The following MAEA variants were observed in gnomAD, a reference collection of about 807,000 sequenced individuals.
MAEA encodes E3 ubiquitin-protein transferase MAEA.
MAEA carries 22 observed loss-of-function variants against 46.2 expected under a neutral mutation model. That is an observed-to-expected ratio of 0.48 (90% CI 0.34 to 0.68). The LOEUF (loss-of-function observed/expected upper bound fraction) is 0.68, where lower values mean the gene tolerates loss of function less well. Among genes scored for constraint, MAEA ranks in the 30% least tolerant of loss-of-function variants. MAEA has a pLI of 0.01. For missense variants in MAEA, 393 were observed against 558.1 expected (o/e 0.70, Z 2.98); for synonymous variants, 246 against 222.6 (o/e 1.11, Z -0.94).
chr4:1,324,887 G>GA (rs1437825168), intron 4 of MAEA, among the ~76,000 whole-genome samples: 1 of 150,660 alleles, frequency 6.6e-6, no homozygotes, highest in African/African-American at 2.4e-5. Flanking sequence ...GGTGTTGGAT[G>GA]AGTTGAGATT....
chr4:1,328,224 C>T (rs553142171), intron 5 of MAEA, among the ~76,000 whole-genome samples: 76 of 152,338 alleles, frequency 5.0e-4, no homozygotes, highest in Middle Eastern at 3.4e-3. Flanking sequence ...CTGAGGCCAG[C>T]GGCGCCCTGG....
At chr4:1,316,025 G>A (rs529316749) in intron 3 of MAEA, among the ~76,000 whole-genome samples, 4 of 151,900 alleles carry the variant, frequency 2.6e-5, no homozygotes, top group African/African-American at 4.8e-5. Flanking sequence ...GTGTCTAAGC[G>A]GCTCTCCAGG....
At chr4:1,335,016 T>C in intron 6 of MAEA, 1 of 985,332 alleles carries the variant, frequency 1.0e-6, no homozygotes, top group Non-Finnish European at 1.2e-6. Flanking sequence ...CCACCTCCCC[T>C]CCCTCCAGGT....
intron 1 of MAEA, among the ~76,000 whole-genome samples, chr4:1,305,940 A>G (rs569054534): frequency 7.2e-5 from 11 of 152,168 alleles, no homozygotes; most frequent in Non-Finnish European, 1.5e-4. Flanking sequence ...GGCGGGCGGG[A>G]GATCCAAGAA....
At chr4:1,325,659 C>A (rs1029255088) in intron 4 of MAEA, among the ~76,000 whole-genome samples, 3 of 152,208 alleles carry the variant, frequency 2.0e-5, no homozygotes, top group African/African-American at 7.2e-5. Context: ...CATCAGGCAG[C>A]CCCTGGGAGG....
At chr4:1,324,237 T>G (rs1270320609) in intron 4 of MAEA, among the ~76,000 whole-genome samples, 1 of 146,872 alleles carries the variant, frequency 6.8e-6, no homozygotes, top group African/African-American at 2.6e-5. Context: ...GGATGCCTGG[T>G]GGATGAGCGT....
chr4:1,337,700 T>TCCTCGCCTGTGACTGACTCTGC (rs1334715718), intron 7 of MAEA: 2 of 173,670 alleles, frequency 1.2e-5, no homozygotes, highest in Non-Finnish European at 2.5e-5. Flanking sequence ...TGTGACTCTG[T>TCCTCGCCTGTGACTGACTCTGC]CCTCGCCTGT....
chr4:1,295,582 G>C (rs907080912), intron 1 of MAEA, among the ~76,000 whole-genome samples: 2 of 151,002 alleles, frequency 1.3e-5, no homozygotes, highest in African/African-American at 4.9e-5. Flanking sequence ...CTGTCACGCA[G>C]ACCCTGCCTG....
intron 2 of MAEA, among the ~76,000 whole-genome samples, chr4:1,314,790 C>T (rs962238911): frequency 2.0e-5 from 3 of 152,214 alleles, no homozygotes; most frequent in African/African-American, 7.2e-5. Context: ...CTGATTTCTG[C>T]ACAGCAGTTG....
intron 8 of MAEA, 177 bp from the exon 9 acceptor site, chr4:1,338,897 G>C (rs1577252985): frequency 9.0e-6 from 6 of 669,444 alleles, no homozygotes; most frequent in South Asian, 3.6e-5. Flanking sequence ...ATGGATGAAG[G>C]GGTGGGAAGG....
In MAEA at chr4:1,329,606, G is replaced by T. The variant is rs1207472318; in HGVS notation, c.656+1903G>T. 4 of 985,412 alleles carry T rather than the reference G, an allele frequency of 4.1e-6. No homozygotes were observed. The African/African-American group carries it at 7.0e-5, about 17-fold the overall frequency. 61.0% of individuals were successfully genotyped at this position (985,412 alleles called of 1,614,324 possible). The stretch of plus-strand genomic sequence containing the variant: ...ACATCCTCTGCTGGGGCCGTCTTGG[G>T]AGTGGTTCTCCAGGTGCCAGGGCCT... On this transcript the variant is annotated intron_variant, in intron 5 of 8. Coordinates refer to ENST00000303400, the MANE Select transcript of MAEA (RefSeq NM_001017405.3).
intron 2 of MAEA, 54 bp downstream of exon 2, chr4:1,312,215 T>A: frequency 6.2e-7 from 1 of 1,602,274 alleles, no homozygotes; most frequent in South Asian, 1.1e-5. Context: ...ACCCCTTTTG[T>A]CTCGAAAATG....
At chr4:1,324,263 A>G (rs183276625) in intron 4 of MAEA, among the ~76,000 whole-genome samples, 1 of 146,750 alleles carries the variant, frequency 6.8e-6, no homozygotes, top group Non-Finnish European at 1.5e-5. Context: ...GTGTTGGATG[A>G]GTTGAGATTG....
At chr4:1,331,377 GGTCCCAA>G (rs2108996936) in intron 5 of MAEA, 1 of 151,946 alleles carries the variant, frequency 6.6e-6, no homozygotes, top group South Asian at 2.1e-4. Flanking sequence ...CCCCAGGCTG[GGTCCCAA>G]GCGTGGACGC....
intron 3 of MAEA, among the ~76,000 whole-genome samples, chr4:1,321,283 G>A (rs764752318): frequency 1.3e-5 from 2 of 151,928 alleles, no homozygotes; most frequent in Non-Finnish European, 2.9e-5. Context: ...GCAAGAAAAC[G>A]CTATGAAGGG....
At chr4:1,320,697 C>G (rs542492808) in intron 3 of MAEA, among the ~76,000 whole-genome samples, 104 of 151,930 alleles carry the variant, frequency 6.8e-4, no homozygotes, top group Non-Finnish European at 1.2e-3. Context: ...AAGAAATCAT[C>G]AACATGAACA....
At position 1,314,685 on chromosome 4, in the gene MAEA, C is replaced by T. The variant is rs192987814; in HGVS notation, c.253-712C>T. Among the ~76,000 whole-genome samples the T allele has an allele frequency of 1.8e-4, 28 of 152,264 alleles. 1 individual carries two copies. The East Asian group carries it at 2.3e-3, about 13-fold the overall frequency. ...AAAATAAACCGACATGGGATTTTCC[C>T]GTGGTGGAACTGAAGAAAACAGAGA... On this transcript the variant is annotated intron_variant, in intron 2 of 8. Coordinates refer to ENST00000303400, the MANE Select transcript of MAEA (RefSeq NM_001017405.3).
chr4:1,338,831 G>A lies in MAEA; in HGVS notation c.1095+214G>A, dbSNP rs569216023. On this transcript the variant is annotated intron_variant, in intron 8 of 8. Transcript: ENST00000303400. ...GGGCAGCGGGGCCAGGCTGGCACAC[G>A]TCGCCATTGGGACAGGGCTGTCCTC... 63 of 650,162 alleles carry A rather than the reference G, an allele frequency of 9.7e-5. No individual in the cohort carries two copies. The Admixed American group carries it at 1.0e-3, about 11-fold the overall frequency. The allele number at this position is 650,162 out of a possible 1,614,324, so 40.3% of individuals were successfully genotyped here.
chr4:1,336,235 C>A (rs1023983565), intron 6 of MAEA, among the ~76,000 whole-genome samples: 1 of 151,680 alleles, frequency 6.6e-6, no homozygotes, highest in Non-Finnish European at 1.5e-5. Context: ...GTTAAGTCAG[C>A]CCTTGTCCTG....
Sources: gnomAD v4.1 joint callset for allele counts (sites outside exome capture counted in the v4.1 genomes callset) on GRCh38, gnomAD v4.1.1 for gene constraint, MANE v1.5 for transcripts, NCBI Gene and HGNC (gene_info 2026-07-23, HGNC 2026-07-21) for gene names.